The following SIAE variants were observed in gnomAD, a reference collection of about 807,000 sequenced individuals.
The protein encoded by SIAE is sialate O-acetylesterase.
In SIAE, 39 loss-of-function variants were observed where a neutral mutation model predicts 52.6. That is an observed-to-expected ratio of 0.74 (90% CI 0.57 to 0.97). SIAE has a LOEUF of 0.97. Among genes scored for constraint, SIAE ranks in the 50% least tolerant of loss-of-function variants. The probability of loss-of-function intolerance (pLI) is 0.00; values close to 1 mark genes in which losing one functional copy is unlikely to be tolerated. For missense variants in SIAE, 592 were observed against 662.1 expected, an observed-to-expected ratio of 0.89 and a Z score of 1.16; for synonymous variants, 233 against 241.4, an observed-to-expected ratio of 0.97 and a Z score of 0.32.
In SIAE at chr11:124,639,820, C is replaced by A. The variant is rs763910390; in HGVS notation, c.1014G>T (p.Gln338His). 8.7e-6 allele frequency: 14 copies of A among 1,614,214 alleles called. No homozygotes were observed. In the South Asian group the frequency reaches 1.5e-4, roughly 18 times the overall value. Residue 338 changes from glutamine to histidine, a missense_variant, in exon 8 of 10, where the codon CAG becomes CAT. Transcript: ENST00000263593. ...SKKSSDDGFP[Q>H]IRWHQTADFG... is the part of the protein sequence containing the mutation. Reference sequence around the variant, plus strand: ...AGTCTGCTGTTTGATGCCAACGGATCTGGGGAAATCCATCGTCTGAGCTCT... The same window carrying A: ...AGTCTGCTGTTTGATGCCAACGGATATGGGGAAATCCATCGTCTGAGCTCT...
At chr11:124,666,806 T>C (rs1303951475) in intron 2 of SIAE, among the ~76,000 whole-genome samples, 2 of 152,236 alleles carry the variant, frequency 1.3e-5, no homozygotes, top group Admixed American at 6.5e-5. Flanking sequence ...CTCAGTGTTT[T>C]AGACATAGTA....
chr11:124,658,215 A>G (rs1943129568), intron 3 of SIAE, among the ~76,000 whole-genome samples: 1 of 151,308 alleles, frequency 6.6e-6, no homozygotes, highest in Non-Finnish European at 1.5e-5. Context: ...AGGGGAGCAA[A>G]GCATGCGTGT....
At chr11:124,644,342 G>T (rs1345244969) in intron 7 of SIAE, among the ~76,000 whole-genome samples, 1 of 121,506 alleles carries the variant, frequency 8.2e-6, no homozygotes. Flanking sequence ...ACAGGAAAGA[G>T]TCTGTGGTGA....
upstream of SIAE, chr11:124,675,288 C>T (rs1943446176): frequency 1.2e-6 from 2 of 1,613,810 alleles, no homozygotes; most frequent in African/African-American, 2.7e-5. Context: ...TCTCCAACAC[C>T]CACTACCGAA....
At chr11:124,652,888 T>C (rs1421627503) in intron 4 of SIAE, among the ~76,000 whole-genome samples, 1 of 145,300 alleles carries the variant, frequency 6.9e-6, no homozygotes, top group East Asian at 2.0e-4. Flanking sequence ...TTTATTTGTT[T>C]TTGTCTCATT....
chr11:124,655,260 C>A (rs925062344), intron 3 of SIAE, among the ~76,000 whole-genome samples: 6 of 149,854 alleles, frequency 4.0e-5, no homozygotes, highest in Non-Finnish European at 8.8e-5. Context: ...ACTGCAAGCT[C>A]CGCCTCCCAG....
At chr11:124,668,359 C>T (rs1490112317) in intron 2 of SIAE, among the ~76,000 whole-genome samples, 3 of 152,186 alleles carry the variant, frequency 2.0e-5, no homozygotes, top group Non-Finnish European at 2.9e-5. Flanking sequence ...TCACACTTAA[C>T]GATAACTGCT....
In SIAE at chr11:124,669,450, T is replaced by C. The variant is rs2134393629; in HGVS notation, c.139A>G (p.Ile47Val). 1.2e-6 allele frequency: 2 copies of C among 1,614,158 alleles called. No individual in the cohort carries two copies. The highest frequency in any genetic ancestry group is 1.7e-6 in the Non-Finnish European group (2 of 1,180,024). The change falls in exon 2 of 10, where the codon ATA becomes GTA. Residue 47 changes from isoleucine (I) to valine (V), a missense_variant. Ile to Val is a conservative substitution (Grantham distance 29). Transcript: ENST00000263593. ...VLQKEPAGAV[I>V]WGFGTPGATV... Reference sequence around the variant, plus strand: ...GCTCCAGGTGTACCGAAGCCCCATATCACTGCCCCAGCAGGCTCCTTCTGC... The same window carrying C: ...GCTCCAGGTGTACCGAAGCCCCATACCACTGCCCCAGCAGGCTCCTTCTGC...
Position 124,673,622 on chromosome 11 carries a change from G to A in SIAE, c.67+20C>T. 1 of 1,610,932 alleles carries A rather than the reference G, an allele frequency of 6.2e-7. No individual in the cohort carries two copies. Among genetic ancestry groups the A allele is most frequent in the Non-Finnish European group, 8.5e-7 (1 of 1,178,840 alleles). On this transcript the variant is annotated intron_variant, in intron 1 of 9. Transcript: ENST00000263593. ...GCACAGGCTGAGGGGCAGGGGTCCGGCCGAGCCGGGCCGCCTCACCTGCAC... is the reference window on the plus strand; with the variant it reads ...GCACAGGCTGAGGGGCAGGGGTCCGACCGAGCCGGGCCGCCTCACCTGCAC...
chr11:124,648,025 G>A (rs748951162), intron 6 of SIAE, 41 bp downstream of exon 6: 68 of 1,472,642 alleles, frequency 4.6e-5, no homozygotes, highest in African/African-American at 5.5e-5. Context: ...TACAGCAAAC[G>A]CTATCTGATA....
intron 2 of SIAE, among the ~76,000 whole-genome samples, chr11:124,664,892 C>A: frequency 6.8e-6 from 1 of 147,930 alleles, no homozygotes; most frequent in Admixed American, 6.8e-5. Flanking sequence ...CCACCCCCAC[C>A]CAACAGAACC....
intron 4 of SIAE, 36 bp from the exon 5 acceptor site, chr11:124,649,832 G>C (rs755973134): frequency 5.0e-6 from 8 of 1,611,716 alleles, no homozygotes; most frequent in Non-Finnish European, 6.8e-6. Flanking sequence ...AAGAGCCAGA[G>C]AAAGGTTGAT....
chr11:124,667,232 G>A (rs1943285555), intron 2 of SIAE, among the ~76,000 whole-genome samples: 2 of 151,968 alleles, frequency 1.3e-5, no homozygotes, highest in Admixed American at 6.6e-5. Flanking sequence ...TATTTCTAAG[G>A]TGACCCAGCA....
Position 124,636,912 on chromosome 11 carries a change from AC to A in SIAE, c.*38del, listed in dbSNP as rs1942752792. 6.2e-7 allele frequency: 1 copy of A among 1,613,644 alleles called. No individual in the cohort carries two copies. Among genetic ancestry groups the A allele is most frequent in the Non-Finnish European group, 8.5e-7 (1 of 1,179,950 alleles). Reference sequence around the variant, plus strand: ...ACTCCTAAATGCTAAAATCTGAAGGACCCATCCTTATATCTAAGTTCTGATC... The same window carrying A: ...ACTCCTAAATGCTAAAATCTGAAGGACCATCCTTATATCTAAGTTCTGATC... On this transcript the variant is annotated 3_prime_UTR_variant, in exon 10 of 10. Coordinates refer to ENST00000263593, the MANE Select transcript of SIAE (RefSeq NM_170601.5).
chr11:124,655,238 C>A (rs1048536153), intron 3 of SIAE, among the ~76,000 whole-genome samples: 2 of 147,828 alleles, frequency 1.4e-5, no homozygotes, highest in African/African-American at 5.3e-5. Flanking sequence ...GTGTAGTGGC[C>A]AATCTCAGCT....
At chr11:124,663,223 C>T (rs1317667163) in intron 2 of SIAE, among the ~76,000 whole-genome samples, 1 of 152,002 alleles carries the variant, frequency 6.6e-6, no homozygotes, top group Non-Finnish European at 1.5e-5. Context: ...GCAGGGAAAA[C>T]TTGATACACT....
In SIAE at chr11:124,670,281, A is replaced by G. The variant is rs1294087736; in HGVS notation, c.68-760T>C. On this transcript the variant is annotated intron_variant, in intron 1 of 9. Coordinates refer to ENST00000263593, the MANE Select transcript of SIAE (RefSeq NM_170601.5). This position sits in a 1 kb window ranked among gnomAD's most constrained non-coding sequence, Gnocchi z 4.5. Reference sequence around the variant, plus strand: ...CCACAAGCTAAATTATACTAAAAGGACAAGAGAAAGCACACTAGAAACTGG... The same window carrying G: ...CCACAAGCTAAATTATACTAAAAGGGCAAGAGAAAGCACACTAGAAACTGG... Among the ~76,000 whole-genome samples, 1 of 152,212 alleles carries G rather than the reference A, an allele frequency of 6.6e-6. No homozygotes were observed. Among genetic ancestry groups the G allele is most frequent in the Non-Finnish European group, 1.5e-5 (1 of 68,034 alleles).
rs1428584784 is a variant in SIAE at position 124,645,008 on chromosome 11, G to A, written c.966+2357C>T. Among the ~76,000 whole-genome samples the A allele has an allele frequency of 3.3e-5, 5 of 152,010 alleles. No individual in the cohort carries two copies. Among genetic ancestry groups the A allele is most frequent in the African/African-American group, 7.2e-5 (3 of 41,386 alleles). On this transcript the variant is annotated intron_variant, in intron 7 of 9. Transcript: ENST00000263593. This position sits in a 1 kb window ranked among gnomAD's most constrained non-coding sequence, Gnocchi z 4.7. ...CACTAACATTATCTGGTATGTTCCC[G>A]GCTTTCCATGGATGAACTCATTCAA...
At position 124,637,016 on chromosome 11, in the gene SIAE, C is replaced by G; in HGVS notation, c.1507G>C (p.Ala503Pro). The change falls in exon 10 of 10, where the codon GCC becomes CCC. Residue 503 changes from alanine (A) to proline (P), a missense_variant. By Grantham distance (27) the Ala-to-Pro change is conservative. Transcript: ENST00000263593. The part of the protein sequence containing the change: ...PLYHPSSALP[A>P]PPFIAFITDQ... ...GTAATGAAAGCAATGAAGGGAGGGGCTGGCAGGGCACTACTGGGGTGGTAT... is the reference window on the plus strand; with the variant it reads ...GTAATGAAAGCAATGAAGGGAGGGGGTGGCAGGGCACTACTGGGGTGGTAT... 6.2e-7 allele frequency: 1 copy of G among 1,614,188 alleles called. No individual in the cohort carries two copies. Among genetic ancestry groups the G allele is most frequent in the Non-Finnish European group, 8.5e-7 (1 of 1,180,034 alleles).
Sources: gnomAD v4.1 joint callset for allele counts (sites outside exome capture counted in the v4.1 genomes callset) on GRCh38, gnomAD v4.1.1 for gene constraint, Gnocchi (gnomAD v3.1) non-coding constraint, MANE v1.5 for transcripts, NCBI Gene and HGNC (gene_info 2026-07-23, HGNC 2026-07-21) for gene names.